DNAH3: variants seen among roughly 807,000 people sequenced by gnomAD.
DNAH3 encodes the protein dynein axonemal heavy chain 3.
In DNAH3, 332 loss-of-function variants were observed where a neutral mutation model predicts 432.5. The ratio of observed to expected loss-of-function variants is 0.77; its 90% confidence interval spans 0.70 to 0.84. The LOEUF (loss-of-function observed/expected upper bound fraction) is 0.84. Among genes scored for constraint, DNAH3 ranks in the 40% least tolerant of loss-of-function variants. DNAH3 has a pLI of 0.00. For missense variants in DNAH3, 4,861 were observed against 5,114.0 expected (o/e 0.95, Z 1.51); for synonymous variants, 1,956 against 1,900.2 (o/e 1.03, Z -0.76).
chr16:21,124,640 A>C (rs1177416207), intron 9 of DNAH3, among the ~76,000 whole-genome samples: 2 of 142,626 alleles, frequency 1.4e-5, no homozygotes, highest in Non-Finnish European at 3.1e-5. Context: ...CATCTCAAAC[A>C]TTTACTTTTT....
rs577722522 is a variant in DNAH3 at position 21,125,427 on chromosome 16, C to T, written c.1209-57G>A. The T allele has an allele frequency of 1.3e-4, 194 of 1,440,682 alleles. 3 individuals are homozygous for T. The South Asian group carries it at 2.6e-3, about 20-fold the overall frequency. The allele number at this position is 1,440,682 out of a possible 1,614,324, so 89.2% of individuals were successfully genotyped here. ...GCTCTTCTGGGCTCCGAGGAACCCA[C>T]TTGCCGTGCCCCCTGAGCTCAGTGA... On this transcript the variant is annotated intron_variant, in intron 8 of 61. Transcript: ENST00000261383.
chr16:20,963,175 GC>G, intron 53 of DNAH3, 108 bp downstream of exon 53: 1 of 1,071,242 alleles, frequency 9.3e-7, no homozygotes, highest in Non-Finnish European at 1.3e-6. Flanking sequence ...GAACCACCTG[GC>G]CTTCAAAGCC....
In DNAH3 at chr16:20,988,751, G is replaced by A. The variant is rs530808205; in HGVS notation, c.6602-686C>T. On this transcript the variant is annotated intron_variant, in intron 44 of 61. Coordinates refer to ENST00000261383, the Ensembl canonical transcript of DNAH3. ...TCTCACTGACTTCAAAAATGAAGCC[G>A]CGACCCCTCGCGGTGAGTGTTACAG... Among the ~76,000 whole-genome samples, 19 of 152,362 alleles carry A rather than the reference G, an allele frequency of 1.2e-4. No individual in the cohort carries two copies. The East Asian group carries it at 2.1e-3, about 17-fold the overall frequency.
At chr16:20,954,781 T>A in intron 55 of DNAH3, 32 bp downstream of exon 55, 1 of 1,607,458 alleles carries the variant, frequency 6.2e-7, no homozygotes, top group Non-Finnish European at 8.5e-7. Flanking sequence ...ATCCTTTCCC[T>A]CAGGCCACTC....
At chr16:20,958,947 T>C (rs2152608816) in intron 54 of DNAH3, among the ~76,000 whole-genome samples, 1 of 152,278 alleles carries the variant, frequency 6.6e-6, no homozygotes, top group African/African-American at 2.4e-5. Flanking sequence ...TTTGTATTTT[T>C]AGTAGAGACA....
At chr16:20,946,339 G>A (rs551366625) in intron 57 of DNAH3, among the ~76,000 whole-genome samples, 8 of 152,218 alleles carry the variant, frequency 5.3e-5, no homozygotes, top group African/African-American at 1.9e-4. Context: ...TAACCTGCTG[G>A]CCTCCACTTC....
chr16:21,121,493 T>C (rs541855943), intron 10 of DNAH3, among the ~76,000 whole-genome samples: 1 of 152,282 alleles, frequency 6.6e-6, no homozygotes, highest in East Asian at 1.9e-4. Flanking sequence ...TGATTCATGA[T>C]GGATTATTAA....
chr16:20,998,325 G>A (rs1484609280), intron 43 of DNAH3, among the ~76,000 whole-genome samples: 2 of 152,122 alleles, frequency 1.3e-5, no homozygotes, highest in Non-Finnish European at 2.9e-5. Context: ...TGTGATCTCA[G>A]CTCACTGCAA....
At chr16:21,055,474 T>C (rs376281068) in intron 27 of DNAH3, among the ~76,000 whole-genome samples, 1 of 152,200 alleles carries the variant, frequency 6.6e-6, no homozygotes, top group East Asian at 1.9e-4. Context: ...ACTATGGTTG[T>C]CTAAGATGTT....
At chr16:20,970,863 C>CTTTTTTTT (rs869203073) in intron 51 of DNAH3, among the ~76,000 whole-genome samples, 4 of 124,090 alleles carry the variant, frequency 3.2e-5, no homozygotes, top group Admixed American at 1.7e-4. Context: ...TTTCTCTATT[C>CTTTTTTTT]TTTTTTTTTT....
chr16:21,047,215 G>A (rs1262420501), intron 31 of DNAH3, among the ~76,000 whole-genome samples: 13 of 146,948 alleles, frequency 8.8e-5, no homozygotes, highest in Admixed American at 7.5e-4. Flanking sequence ...GAATCTGAAC[G>A]TTGGCCTGCC....
chr16:21,011,717 C>T (rs1395535160), intron 41 of DNAH3, among the ~76,000 whole-genome samples: 1 of 151,816 alleles, frequency 6.6e-6, no homozygotes, highest in Admixed American at 6.6e-5. Flanking sequence ...TTGGTATCTT[C>T]AATAAGGTGC....
chr16:21,158,216 T>C (rs1567891892), intron 1 of DNAH3, among the ~76,000 whole-genome samples: 2 of 152,350 alleles, frequency 1.3e-5, no homozygotes, highest in East Asian at 3.9e-4. Flanking sequence ...GCTTATGACA[T>C]TCGCATTTGA....
intron 18 of DNAH3, among the ~76,000 whole-genome samples, chr16:21,090,417 A>G (rs1045312099): frequency 2.0e-5 from 3 of 152,034 alleles, no homozygotes; most frequent in African/African-American, 7.2e-5. Flanking sequence ...CACAGACACT[A>G]AAATTCTCAA....
Position 21,086,778 on chromosome 16 carries a change from T to C in DNAH3, c.2877+71A>G, listed in dbSNP as rs2091387427. On this transcript the variant is annotated intron_variant, in intron 19 of 61. Coordinates refer to ENST00000261383, the Ensembl canonical transcript of DNAH3. ...AGAAGCTTGACCTAGTAATGTTTCCTGCCTTCCCAAGGACAGTCAGGGCCA... is the reference window on the plus strand; with the variant it reads ...AGAAGCTTGACCTAGTAATGTTTCCCGCCTTCCCAAGGACAGTCAGGGCCA... 7 of 1,377,936 alleles carry C rather than the reference T, an allele frequency of 5.1e-6. No individual in the cohort carries two copies. In the South Asian group the frequency reaches 8.2e-5, roughly 16 times the overall value. The allele number at this position is 1,377,936 out of a possible 1,614,324, so 85.4% of individuals were successfully genotyped here.
At position 20,935,350 on chromosome 16, in the gene DNAH3, C is replaced by CA. The variant is rs1320109221; in HGVS notation, c.11994dup (p.Glu3999Ter). The CA allele has an allele frequency of 6.2e-6, 10 of 1,613,920 alleles. No individual in the cohort carries two copies. Among genetic ancestry groups the CA allele is most frequent in the Non-Finnish European group, 8.5e-6 (10 of 1,180,006 alleles). Reference sequence around the variant, plus strand: ...AGCCTAACCCAAAGCACCCCTACCTCAAACTCAAATCCAATGTGGTCAATG... The same window carrying CA: ...AGCCTAACCCAAAGCACCCCTACCTCAAAACTCAAATCCAATGTGGTCAATG... On this transcript the variant is annotated frameshift_variant, in exon 61 of 62. Coordinates refer to ENST00000261383, the Ensembl canonical transcript of DNAH3. LOFTEE classifies it high-confidence loss of function.
intron 44 of DNAH3, among the ~76,000 whole-genome samples, chr16:20,989,076 A>C (rs922093923): frequency 7.2e-5 from 11 of 152,212 alleles, no homozygotes; most frequent in Admixed American, 5.9e-4. Flanking sequence ...GCGAAAGAAC[A>C]AAGCTTCCAC....
intron 30 of DNAH3, 43 bp from the exon 31 acceptor site, chr16:21,049,725 A>G (rs200805688): frequency 1.3e-6 from 2 of 1,571,912 alleles, no homozygotes; most frequent in Admixed American, 3.3e-5. Context: ...GGTGGATTCC[A>G]TCCCATCTGA....
At chr16:21,037,670 G>A in intron 34 of DNAH3, 91 bp downstream of exon 34, 1 of 1,086,094 alleles carries the variant, frequency 9.2e-7, no homozygotes, top group South Asian at 1.5e-5. Context: ...AATGGAAGAT[G>A]GAAGAGGGTA....
Sources: gnomAD v4.1 joint callset for allele counts (sites outside exome capture counted in the v4.1 genomes callset) on GRCh38, gnomAD v4.1.1 for gene constraint, MANE v1.5 for transcripts, NCBI Gene and HGNC (gene_info 2026-07-23, HGNC 2026-07-21) for gene names.